CD163L1: variants seen among roughly 807,000 people sequenced by gnomAD.
CD163L1 encodes the protein CD163 molecule like 1.
CD163L1 carries 124 observed loss-of-function variants against 165.4 expected under a neutral mutation model. The ratio of observed to expected loss-of-function variants is 0.75; its 90% CI spans 0.65 to 0.87. CD163L1 has a LOEUF of 0.87. CD163L1 is among the 40% of genes least tolerant of loss of function. The pLI is 0.00. For synonymous variants in CD163L1, 585 were observed against 662.2 expected, an observed-to-expected ratio of 0.88 and a Z score of 1.79; for missense variants, 1,525 against 1,799.9, an observed-to-expected ratio of 0.85 and a Z score of 2.76.
intron 4 of CD163L1, among the ~76,000 whole-genome samples, chr12:7,418,614 T>C (rs1168783496): frequency 6.6e-6 from 1 of 151,752 alleles, no homozygotes; most frequent in Non-Finnish European, 1.5e-5. Context: ...AAAAGATAAA[T>C]AAAATTGATA....
At chr12:7,425,282 T>C (rs763346081) in intron 4 of CD163L1, among the ~76,000 whole-genome samples, 2 of 152,328 alleles carry the variant, frequency 1.3e-5, no homozygotes, top group South Asian at 2.1e-4. Context: ...GCTAGCCATA[T>C]GCAGAAAACT....
intron 9 of CD163L1, among the ~76,000 whole-genome samples, chr12:7,376,960 A>G (rs57516848): frequency 0.037 from 5,691 of 152,220 alleles, 129 homozygotes; most frequent in South Asian, 0.065. Context: ...ATTCTGCCCC[A>G]AATCCTCCCA....
intron 4 of CD163L1, among the ~76,000 whole-genome samples, chr12:7,415,920 T>C (rs1263602387): frequency 6.6e-6 from 1 of 152,236 alleles, no homozygotes. Flanking sequence ...GAATGATTTA[T>C]AATCCTTTGG....
chr12:7,380,375 A>ATGTATGTGTGTATACGCGTATACACACC (rs1565784319), intron 8 of CD163L1, among the ~76,000 whole-genome samples: 1 of 140,300 alleles, frequency 7.1e-6, no homozygotes. Context: ...GTATACATAC[A>ATGTATGTGTGTATACGCGTATACACACC]TGTATGTGTG....
chr12:7,338,244 C>A, the CD163L1 span, among the ~76,000 whole-genome samples: 1 of 152,128 alleles, frequency 6.6e-6, no homozygotes, highest in Non-Finnish European at 1.5e-5. Flanking sequence ...AGCAAACCAC[C>A]ATGGCACATG....
chr12:7,380,376 T>C (rs1198651657), intron 8 of CD163L1, among the ~76,000 whole-genome samples: 1 of 141,002 alleles, frequency 7.1e-6, no homozygotes, highest in African/African-American at 2.7e-5. Flanking sequence ...TATACATACA[T>C]GTATGTGTGT....
chr12:7,397,888 A>G (rs1184062179), intron 7 of CD163L1, among the ~76,000 whole-genome samples: 2 of 152,192 alleles, frequency 1.3e-5, no homozygotes, highest in African/African-American at 4.8e-5. Context: ...ATTTACTGAT[A>G]TGAGCCCTAA....
intron 18 of CD163L1, among the ~76,000 whole-genome samples, chr12:7,364,567 A>C (rs906317495): frequency 6.6e-6 from 1 of 152,156 alleles, no homozygotes; most frequent in African/African-American, 2.4e-5. Context: ...AAACTGTGAG[A>C]ACTAATAAAT....
rs373498364 is a variant in CD163L1 at position 7,396,399 on chromosome 12, G to A, written c.1746C>T (p.Gly582=). ...GGTTGCTGCCGCCCACCAGCCTCAG[G>A]CCCCATGTTGCATCACCTGCACCAA... ...IVTCSGDATW[G]LRLVGGSNRC... The change falls in exon 8 of 20, where the codon GGC becomes GGT. Residue 582 remains glycine, a synonymous_variant. Coordinates refer to ENST00000313599, the MANE Select transcript of CD163L1 (RefSeq NM_174941.6). 3 of 1,606,798 alleles carry A rather than the reference G, an allele frequency of 1.9e-6. No homozygotes were observed. Among genetic ancestry groups the A allele is most frequent in the Non-Finnish European group, 2.6e-6 (3 of 1,174,418 alleles).
intron 4 of CD163L1, among the ~76,000 whole-genome samples, chr12:7,421,328 G>GTA (rs1219073857): frequency 1.1e-5 from 1 of 92,580 alleles, no homozygotes; most frequent in Non-Finnish European, 2.0e-5. Context: ...AGATATATAT[G>GTA]TATATATATC....
At position 7,435,523 on chromosome 12, in the gene CD163L1, T is replaced by C. The variant is rs774330750; in HGVS notation, c.125-1829A>G. On this transcript the variant is annotated intron_variant, in intron 2 of 19. Transcript: ENST00000313599. The stretch of plus-strand genomic sequence containing the variant: ...AACTGAAAATTAAGATAAAAAGATA[T>C]AGCTTTATACTCTCTTGATTGGCAA... Among the ~76,000 whole-genome samples the C allele has an allele frequency of 5.2e-4, 79 of 152,062 alleles. 2 individuals carry two copies. The South Asian group carries it at 0.015, about 28-fold the overall frequency.
In CD163L1 at chr12:7,369,618, C is replaced by T. The variant is rs1947104459; in HGVS notation, c.3778G>A (p.Glu1260Lys). 1 of 1,613,624 alleles carries T rather than the reference C, an allele frequency of 6.2e-7. No homozygotes were observed. The highest frequency in any genetic ancestry group is 1.1e-5 in the South Asian group (1 of 91,024). ...CCCCAGGAGCCTGCGTGCCAGATCT[C>T]CACTCTCCCAGAGCACTCGGTGTCT... ...GGDTECSGRV[E>K]IWHAGSWGTV... is the part of the protein sequence containing the mutation. The change falls in exon 15 of 20, where the codon GAG becomes AAG. Residue 1260 changes from glutamate (E) to lysine (K), a missense_variant. By Grantham distance (56) the Glu-to-Lys change is moderately conservative (BLOSUM62 1). Coordinates refer to ENST00000313599, the MANE Select transcript of CD163L1 (RefSeq NM_174941.6). The surrounding 1 kb of genome is among the most constrained non-coding windows in gnomAD (Gnocchi z 4.9).
chr12:7,407,782 TACACACACACACACACACACACACAGAC>T (rs1346480825), intron 4 of CD163L1, among the ~76,000 whole-genome samples: 1 of 143,894 alleles, frequency 6.9e-6, no homozygotes, highest in African/African-American at 2.6e-5. Context: ...CACACATCCA[TACACACACACACACACACACACACAGAC>T]ACACACACAC....
intron 4 of CD163L1, among the ~76,000 whole-genome samples, chr12:7,414,246 T>C (rs921998224): frequency 6.6e-6 from 1 of 151,836 alleles, no homozygotes; most frequent in African/African-American, 2.4e-5. Context: ...ATGAACAAAA[T>C]GAGAAGTTCA....
intron 4 of CD163L1, among the ~76,000 whole-genome samples, chr12:7,428,901 A>C: frequency 6.6e-6 from 1 of 152,126 alleles, no homozygotes. Flanking sequence ...TAAGTAATCC[A>C]ATCAAACTAG....
chr12:7,430,466 C>T (rs777178758), intron 4 of CD163L1, among the ~76,000 whole-genome samples: 2 of 152,256 alleles, frequency 1.3e-5, no homozygotes, highest in South Asian at 4.1e-4. Flanking sequence ...TTTTCTATGC[C>T]TCTTCCACCT....
intron 4 of CD163L1, among the ~76,000 whole-genome samples, chr12:7,421,586 T>TGTAC (rs1306478548): frequency 1.7e-5 from 2 of 116,844 alleles, no homozygotes; most frequent in South Asian, 2.7e-4. Flanking sequence ...TGTACATATA[T>TGTAC]ACATATACAT....
chr12:7,339,682 A>G, the CD163L1 span, among the ~76,000 whole-genome samples: 1 of 152,136 alleles, frequency 6.6e-6, no homozygotes, highest in Non-Finnish European at 1.5e-5. Flanking sequence ...TCTAGAGAGA[A>G]TATTTTTCAG....
intron 4 of CD163L1, among the ~76,000 whole-genome samples, chr12:7,431,030 T>A (rs1403220130): frequency 6.6e-6 from 1 of 151,238 alleles, no homozygotes; most frequent in Non-Finnish European, 1.5e-5. Context: ...TACAGAGAGG[T>A]CACTGGGGAG....
Sources: gnomAD v4.1 joint callset for allele counts (sites outside exome capture counted in the v4.1 genomes callset) on GRCh38, gnomAD v4.1.1 for gene constraint, Gnocchi (gnomAD v3.1) non-coding constraint, MANE v1.5 for transcripts, NCBI Gene and HGNC (gene_info 2026-07-23, HGNC 2026-07-21) for gene names.